The following SNTG1 variants were observed in gnomAD, a reference collection of about 807,000 sequenced individuals.
The protein encoded by SNTG1 is gamma-1-syntrophin.
In SNTG1, 39 loss-of-function variants were observed where a neutral mutation model predicts 74.7. The ratio of observed to expected loss-of-function variants is 0.52; its 90% confidence interval spans 0.40 to 0.68. The LOEUF is 0.68. Among genes scored for constraint, SNTG1 ranks in the 30% least tolerant of loss-of-function variants. The pLI is 0.00. For synonymous variants in SNTG1, 254 were observed against 217.1 expected (o/e 1.17, Z -1.49); for missense variants, 685 against 609.5 (o/e 1.12, Z -1.30).
chr8:50,608,487 C>G (rs1425986295), intron 13 of SNTG1, among the ~76,000 whole-genome samples: 2 of 151,740 alleles, frequency 1.3e-5, no homozygotes, highest in African/African-American at 4.8e-5. Flanking sequence ...GGCTTAAAAT[C>G]TATTTTCTAT....
chr8:50,270,255 G>A (rs76491218), intron 2 of SNTG1, among the ~76,000 whole-genome samples: 3,110 of 152,158 alleles, frequency 0.02, 112 homozygotes, highest in African/African-American at 0.069. Context: ...AGTGACAGAC[G>A]CTATTAAAAG....
At position 50,605,886 on chromosome 8, in the gene SNTG1, T is replaced by C. The variant is rs142774444; in HGVS notation, c.849+14969T>C. Among the ~76,000 whole-genome samples the C allele has an allele frequency of 7.9e-3, 1,202 of 152,320 alleles. 12 individuals carry two copies. The highest frequency in any genetic ancestry group is 0.026 in the African/African-American group (1,101 of 41,578). ...AAAAATAAAATAAAAACATCTGTCA[T>C]ATTTTTGTCCTTGATTCTATTTATG... On this transcript the variant is annotated intron_variant, in intron 13 of 18. Transcript: ENST00000642720.
At chr8:50,029,737 T>C (rs1817586851) in intron 1 of SNTG1, among the ~76,000 whole-genome samples, 1 of 152,178 alleles carries the variant, frequency 6.6e-6, no homozygotes. Context: ...ATTTCCTTTA[T>C]TCATTAGTCT....
Position 50,055,942 on chromosome 8 carries a change from G to A in SNTG1, c.-102-116619G>A, listed in dbSNP as rs540651773. 5.3e-5 allele frequency among the ~76,000 whole-genome samples: 8 copies of A among 152,162 alleles called. No homozygotes were observed. In the East Asian group the frequency reaches 1.2e-3, roughly 22 times the overall value. ...CTTTTTATTGGAAACAATGGATAAT[G>A]TACCAGGCCAGGTAATTCTATTTGA... On this transcript the variant is annotated intron_variant, in intron 1 of 18. Transcript: ENST00000642720.
At chr8:50,651,602 C>T (rs1399329799) in intron 13 of SNTG1, among the ~76,000 whole-genome samples, 1 of 150,948 alleles carries the variant, frequency 6.6e-6, no homozygotes, top group Admixed American at 6.6e-5. Context: ...GGATTACAGG[C>T]ATGTACCACC....
At chr8:50,784,524 C>T (rs1261774500) in intron 18 of SNTG1, among the ~76,000 whole-genome samples, 4 of 152,044 alleles carry the variant, frequency 2.6e-5, no homozygotes, top group Non-Finnish European at 4.4e-5. Flanking sequence ...GATAACAGAG[C>T]TCCAAAAGGT....
At chr8:49,972,921 G>T (rs1811835176) in intron 1 of SNTG1, among the ~76,000 whole-genome samples, 1 of 152,114 alleles carries the variant, frequency 6.6e-6, no homozygotes, top group African/African-American at 2.4e-5. Flanking sequence ...TGGTGGGACT[G>T]TAAACTAATT....
intron 18 of SNTG1, among the ~76,000 whole-genome samples, chr8:50,752,400 A>C (rs1372884305): frequency 6.6e-6 from 1 of 152,000 alleles, no homozygotes; most frequent in African/African-American, 2.4e-5. Flanking sequence ...GAACTAAAGC[A>C]GTCCTTTGGT....
chr8:50,023,105 G>A lies in SNTG1; in HGVS notation c.-103+110874G>A, dbSNP rs533009144. On this transcript the variant is annotated intron_variant, in intron 1 of 18. Coordinates refer to ENST00000642720, the MANE Select transcript of SNTG1 (RefSeq NM_018967.5). ...AGATCAACAAGGTTGGCAGTGGATG[G>A]ATGGTGAAGTGGAAGTCCTTTCAGG... 3.3e-5 allele frequency among the ~76,000 whole-genome samples: 5 copies of A among 152,294 alleles called. No homozygotes were observed. The South Asian group carries it at 1.0e-3, about 32-fold the overall frequency.
At chr8:50,042,845 C>T (rs1818758578) in intron 1 of SNTG1, among the ~76,000 whole-genome samples, 1 of 152,210 alleles carries the variant, frequency 6.6e-6, no homozygotes, top group South Asian at 2.1e-4. Context: ...GATCCTCCCA[C>T]CTTAGCCTCT....
intron 1 of SNTG1, among the ~76,000 whole-genome samples, chr8:49,991,003 C>T (rs1488034298): frequency 6.6e-6 from 1 of 152,042 alleles, no homozygotes; most frequent in Non-Finnish European, 1.5e-5. Flanking sequence ...AATCAAAGGG[C>T]AGCCTAGAAA....
chr8:50,329,452 C>A (rs1053841839), intron 2 of SNTG1, among the ~76,000 whole-genome samples: 1 of 152,144 alleles, frequency 6.6e-6, no homozygotes, highest in Non-Finnish European at 1.5e-5. Context: ...GGTTCCCAAA[C>A]CTCAATTCTT....
intron 12 of SNTG1, among the ~76,000 whole-genome samples, chr8:50,553,523 A>G (rs1477102755): frequency 6.6e-6 from 1 of 152,154 alleles, no homozygotes. Flanking sequence ...ACCTTTAGTG[A>G]TCTTAGAATT....
intron 1 of SNTG1, among the ~76,000 whole-genome samples, chr8:49,997,288 T>C (rs973667223): frequency 1.3e-5 from 2 of 152,164 alleles, no homozygotes; most frequent in Non-Finnish European, 2.9e-5. Flanking sequence ...AGAGCATCGC[T>C]TTCCATAAAT....
intron 4 of SNTG1, among the ~76,000 whole-genome samples, chr8:50,425,171 G>C (rs552397126): frequency 1.1e-4 from 17 of 152,202 alleles, no homozygotes; most frequent in African/African-American, 3.9e-4. Flanking sequence ...AGGGCAAAAA[G>C]GGATTTTTTT....
intron 2 of SNTG1, among the ~76,000 whole-genome samples, chr8:50,346,193 G>A (rs1188747585): frequency 3.9e-5 from 6 of 152,196 alleles, no homozygotes; most frequent in Admixed American, 3.9e-4. Flanking sequence ...TGACAACAGT[G>A]CATCAAGCAA....
chr8:50,591,536 A>T (rs2094691772), intron 13 of SNTG1, among the ~76,000 whole-genome samples: 1 of 152,218 alleles, frequency 6.6e-6, no homozygotes, highest in Non-Finnish European at 1.5e-5. Context: ...CCCTATGTGC[A>T]ACATTTGTGT....
chr8:50,648,698 T>C (rs962288269), intron 13 of SNTG1, among the ~76,000 whole-genome samples: 1 of 152,104 alleles, frequency 6.6e-6, no homozygotes, highest in African/African-American at 2.4e-5. Flanking sequence ...AAATATATTG[T>C]ATATATAGAA....
At chr8:50,432,879 C>T (rs1453928430) in intron 4 of SNTG1, among the ~76,000 whole-genome samples, 2 of 152,074 alleles carry the variant, frequency 1.3e-5, no homozygotes, top group Non-Finnish European at 2.9e-5. Context: ...CAACCTCCAC[C>T]TCCCTGGTTC....
Sources: allele counts gnomAD v4.1 joint callset (sites outside exome capture counted in the v4.1 genomes callset), GRCh38; gene constraint gnomAD v4.1.1; transcripts MANE v1.5; gene names NCBI Gene and HGNC (gene_info 2026-07-23, HGNC 2026-07-21).